Variants in CARD8 observed in about 807,000 individuals in gnomAD.
The protein encoded by CARD8 is caspase recruitment domain-containing protein 8.
In CARD8, 38 loss-of-function variants were observed where a neutral mutation model predicts 53.2. The observed-to-expected ratio is 0.71, with a 90% CI of 0.55 to 0.94. The LOEUF (loss-of-function observed/expected upper bound fraction) is 0.94. Ranked by LOEUF, CARD8 falls within the 40% of genes least tolerant of loss-of-function variation. The probability of loss-of-function intolerance (pLI) is 0.00; values close to 1 mark genes in which losing one functional copy is unlikely to be tolerated. For missense variants in CARD8, 561 were observed against 655.5 expected (o/e 0.86, Z 1.57); for synonymous variants, 245 against 244.9 (o/e 1.00, Z 0.00).
chr19:48,210,234 T>C lies in CARD8; in HGVS notation c.*1476A>G, dbSNP rs1171683075. 2 of 151,856 alleles carry C rather than the reference T, an allele frequency of 1.3e-5. No individual in the cohort carries two copies. Among genetic ancestry groups the C allele is most frequent in the Non-Finnish European group, 2.9e-5 (2 of 67,960 alleles). The allele number at this position is 151,856 out of a possible 1,614,324, so 9.4% of individuals were successfully genotyped here. The stretch of plus-strand genomic sequence containing the variant: ...AACAGAAAACAATGTCAACTAAAAA[T>C]ACTACAAGCAAAAAACATCACTGAG... On this transcript the variant is annotated 3_prime_UTR_variant, in exon 14 of 14. Transcript: ENST00000651546.
chr19:48,248,972 C>T (rs973977634), intron 3 of CARD8, among the ~76,000 whole-genome samples: 2 of 152,140 alleles, frequency 1.3e-5, no homozygotes, highest in Non-Finnish European at 2.9e-5. Context: ...CCGAGGCGGG[C>T]GGATCACCTG....
chr19:48,231,023 T>G lies in CARD8; in HGVS notation c.543-17A>C. 1 of 1,599,390 alleles carries G rather than the reference T, an allele frequency of 6.3e-7. No individual in the cohort carries two copies. Among genetic ancestry groups the G allele is most frequent in the Non-Finnish European group, 8.6e-7 (1 of 1,167,266 alleles). ...AACCAAACGCTGAAAGGAGCCAGAG[T>G]GATGTCATGACGGGAGAACCCCAGG... On this transcript the variant is annotated splice_polypyrimidine_tract_variant and intron_variant, in intron 8 of 13. Transcript: ENST00000651546.
chr19:48,248,746 C>A (rs1336487114), intron 3 of CARD8, among the ~76,000 whole-genome samples: 1 of 152,144 alleles, frequency 6.6e-6, no homozygotes, highest in Non-Finnish European at 1.5e-5. Flanking sequence ...TATAAAAAGT[C>A]CATTGTATTA....
intron 6 of CARD8, 80 bp from the exon 7 acceptor site, chr19:48,232,573 A>T (rs2043114040): frequency 1.6e-6 from 2 of 1,233,680 alleles, no homozygotes; most frequent in Admixed American, 2.0e-5. Flanking sequence ...GATGTTATTG[A>T]AAACTAGAGC....
intron 10 of CARD8, 62 bp downstream of exon 10, chr19:48,230,376 C>T: frequency 6.5e-7 from 1 of 1,530,844 alleles, no homozygotes; most frequent in Admixed American, 2.0e-5. Flanking sequence ...CTGGAGGGGC[C>T]AAGGGGATAA....
intron 10 of CARD8, among the ~76,000 whole-genome samples, chr19:48,226,193 A>T (rs1044764339): frequency 2.6e-5 from 4 of 152,140 alleles, no homozygotes; most frequent in Non-Finnish European, 4.4e-5. Context: ...TATTAGAATT[A>T]AAAAATTTTA....
chr19:48,218,573 C>T (rs565307301), intron 12 of CARD8, among the ~76,000 whole-genome samples: 5 of 151,958 alleles, frequency 3.3e-5, no homozygotes, highest in African/African-American at 9.7e-5. Context: ...AGGCTGGTCT[C>T]GAACTCCCGA....
rs185627903 is a variant in CARD8 at position 48,255,851 on chromosome 19, G to C, written c.-311C>G. 1 of 152,214 alleles carries C rather than the reference G, an allele frequency of 6.6e-6. No individual in the cohort carries two copies. Among genetic ancestry groups the C allele is most frequent in the African/African-American group, 2.4e-5 (1 of 41,440 alleles). 9.4% of individuals were successfully genotyped at this position (152,214 alleles called of 1,614,324 possible). On this transcript the variant is annotated 5_prime_UTR_variant, in exon 1 of 14. Coordinates refer to ENST00000651546, the MANE Select transcript of CARD8 (RefSeq NM_001184900.3). ...CTTTAGGGTAGGACGGGCCAAATGG[G>C]AGAATCCCCTTAGGTCGGTTTCTCT...
At chr19:48,218,582 G>A (rs56012561) in intron 12 of CARD8, among the ~76,000 whole-genome samples, 68,287 of 151,708 alleles carry the variant, frequency 0.45, 16,654 homozygotes, top group Non-Finnish European at 0.56. Context: ...TCGAACTCCC[G>A]ACCTTAGGTG....
Position 48,230,543 on chromosome 19 carries a change from G to A in CARD8, c.930C>T (p.Arg310=), listed in dbSNP as rs1172706588. 4.3e-6 allele frequency: 7 copies of A among 1,614,076 alleles called. No homozygotes were observed. Among genetic ancestry groups the A allele is most frequent in the Middle Eastern group, 1.6e-4 (1 of 6,084 alleles). ...GILLRIASGT[R]LSIPITSNTL... ...TGTTGGAAGTGATGGGGATGGAGAGGCGAGTCCCACTGGCGATCCGCAGCA... is the reference window on the plus strand; with the variant it reads ...TGTTGGAAGTGATGGGGATGGAGAGACGAGTCCCACTGGCGATCCGCAGCA... The change falls in exon 10 of 14, where the codon CGC becomes CGT. Residue 310 remains arginine (R), a synonymous_variant. Transcript: ENST00000651546.
chr19:48,211,917 T>C lies in CARD8; in HGVS notation c.1407A>G (p.Lys469=). The C allele has an allele frequency of 6.2e-7, 1 of 1,614,074 alleles. No individual in the cohort carries two copies. The highest frequency in any genetic ancestry group is 1.3e-5 in the African/African-American group (1 of 75,042). Residue 469 remains lysine (K), a synonymous_variant, in exon 14 of 14, where the codon AAA becomes AAG. Coordinates refer to ENST00000651546, the MANE Select transcript of CARD8 (RefSeq NM_001184900.3). ...RQLQARMGDL[K]GVLDDLQDNE... Reference sequence around the variant, plus strand: ...TGTCTTGGAGATCATCGAGCACCCCTTTCAGGTCCCCCATCCTGGCTTGGA... The same window carrying C: ...TGTCTTGGAGATCATCGAGCACCCCCTTCAGGTCCCCCATCCTGGCTTGGA...
intron 5 of CARD8, among the ~76,000 whole-genome samples, chr19:48,237,181 G>A (rs1417800862): frequency 6.6e-6 from 1 of 151,892 alleles, no homozygotes; most frequent in East Asian, 1.9e-4. Flanking sequence ...GTACATCATG[G>A]GACCAGCTTC....
At chr19:48,218,797 C>G in intron 12 of CARD8, 74 bp downstream of exon 12, 1 of 1,468,690 alleles carries the variant, frequency 6.8e-7, no homozygotes, top group South Asian at 1.2e-5. Context: ...AACAAGATTT[C>G]TTCTTTGAAA....
Position 48,226,277 on chromosome 19 carries a change from G to A in CARD8, c.1035+4161C>T, listed in dbSNP as rs190991265. Among the ~76,000 whole-genome samples the A allele has an allele frequency of 2.8e-3, 432 of 152,246 alleles. 1 individual carries two copies. The highest frequency in any genetic ancestry group is 9.8e-3 in the African/African-American group (405 of 41,530). ...AGAGTTTCGTTCTGTTGCCTGGAGT[G>A]CAGTGGCAAAATCTTGGCTCACTGC... On this transcript the variant is annotated intron_variant, in intron 10 of 13. Coordinates refer to ENST00000651546, the MANE Select transcript of CARD8 (RefSeq NM_001184900.3).
intron 7 of CARD8, 75 bp from the exon 8 acceptor site, chr19:48,231,885 A>C (rs1033668999): frequency 4.8e-5 from 63 of 1,313,808 alleles, no homozygotes; most frequent in Non-Finnish European, 6.8e-5. Flanking sequence ...CTGGAGGCTG[A>C]ATTGCACAGG....
chr19:48,223,055 G>A (rs898465260), intron 10 of CARD8, among the ~76,000 whole-genome samples: 1 of 152,184 alleles, frequency 6.6e-6, no homozygotes, highest in Non-Finnish European at 1.5e-5. Context: ...TGTAATCCCA[G>A]CACTTTGGGA....
chr19:48,209,561 T>C lies in CARD8; in HGVS notation c.*2149A>G, dbSNP rs1443977894. On this transcript the variant is annotated 3_prime_UTR_variant, in exon 14 of 14. Coordinates refer to ENST00000651546, the MANE Select transcript of CARD8 (RefSeq NM_001184900.3). ...GAAAAGATGTTCTAAATAAGTAGAA[T>C]ATCAGGGACATTTAGGAAAACATAA... 1 of 152,116 alleles carries C rather than the reference T, an allele frequency of 6.6e-6. No homozygotes were observed. The highest frequency in any genetic ancestry group is 1.5e-5 in the Non-Finnish European group (1 of 68,026). 9.4% of individuals were successfully genotyped at this position (152,116 alleles called of 1,614,324 possible). A position where few individuals can be genotyped will look rare whatever the true frequency, so the allele number is the denominator to read the frequency against.
chr19:48,220,869 C>A (rs1006494445), intron 11 of CARD8, among the ~76,000 whole-genome samples: 1 of 150,514 alleles, frequency 6.6e-6, no homozygotes, highest in Admixed American at 6.7e-5. Context: ...CAAGACCACA[C>A]CACTGCACTC....
chr19:48,222,239 G>A (rs886124079), intron 10 of CARD8, among the ~76,000 whole-genome samples: 1 of 152,224 alleles, frequency 6.6e-6, no homozygotes, highest in African/African-American at 2.4e-5. Context: ...TGGTAGCTCA[G>A]CTGTGTCTGT....
Sources: gnomAD v4.1 joint callset for allele counts (sites outside exome capture counted in the v4.1 genomes callset) on GRCh38, gnomAD v4.1.1 for gene constraint, MANE v1.5 for transcripts, NCBI Gene and HGNC (gene_info 2026-07-23, HGNC 2026-07-21) for gene names.